ABAT: variants seen among roughly 807,000 people sequenced by gnomAD.
The protein encoded by ABAT is 4-aminobutyrate aminotransferase, mitochondrial.
Under a neutral mutation model 64.6 loss-of-function variants are expected in ABAT, and 45 were observed. That is an observed-to-expected ratio of 0.70 (90% CI 0.55 to 0.89). The LOEUF is 0.89. Among genes scored for constraint, ABAT ranks in the 40% least tolerant of loss-of-function variants. The pLI is 0.00. For missense variants in ABAT, 633 were observed against 658.4 expected (o/e 0.96, Z 0.42); for synonymous variants, 297 against 250.5 (o/e 1.19, Z -1.75).
At chr16:8,761,347 C>T (rs780397440) in intron 6 of ABAT, among the ~76,000 whole-genome samples, 1 of 152,296 alleles carries the variant, frequency 6.6e-6, no homozygotes, top group East Asian at 1.9e-4. Context: ...AACTGTGCCG[C>T]GTGTGGAACC....
At chr16:8,756,653 C>A (rs1165588251) in intron 5 of ABAT, among the ~76,000 whole-genome samples, 1 of 152,236 alleles carries the variant, frequency 6.6e-6, no homozygotes, top group Admixed American at 6.5e-5. Flanking sequence ...TCTCCTTCTT[C>A]ACTTAGCAGA....
intron 1 of ABAT, among the ~76,000 whole-genome samples, chr16:8,696,620 A>C (rs1215589869): frequency 6.6e-6 from 1 of 151,542 alleles, no homozygotes; most frequent in Non-Finnish European, 1.5e-5. Flanking sequence ...ACTCTGTCTC[A>C]AAAAAAAATA....
intron 12 of ABAT, 94 bp downstream of exon 12, chr16:8,773,011 T>C (rs1377602835): frequency 6.4e-7 from 1 of 1,555,776 alleles, no homozygotes; most frequent in East Asian, 2.3e-5. Flanking sequence ...CCTTGGAGCT[T>C]CTGTCAATCT....
intron 6 of ABAT, among the ~76,000 whole-genome samples, chr16:8,759,703 TTG>T (rs1448846461): frequency 1.3e-5 from 2 of 151,984 alleles, no homozygotes; most frequent in Admixed American, 6.6e-5. Flanking sequence ...GTTGGTTTGT[TTG>T]TTGTTTTCTT....
chr16:8,750,643 A>C (rs2059453335), intron 5 of ABAT, 104 bp downstream of exon 5: 1 of 1,007,342 alleles, frequency 9.9e-7, no homozygotes, highest in Non-Finnish European at 1.6e-6. Context: ...CACATCCCAG[A>C]GTGTTGCCTG....
In ABAT at chr16:8,721,883, G is replaced by A. The variant is rs570831569; in HGVS notation, c.-41-13816G>A. On this transcript the variant is annotated intron_variant, in intron 1 of 15. Coordinates refer to ENST00000268251, the MANE Select transcript of ABAT (RefSeq NM_020686.6). ...AAAGAAAAAGGACGAGGAGAGGTGG[G>A]TGGGACTGAAGAGCTCACTATCTGG... Among the ~76,000 whole-genome samples the A allele has an allele frequency of 1.6e-4, 24 of 152,324 alleles. No homozygotes were observed. The East Asian group carries it at 4.6e-3, about 29-fold the overall frequency.
chr16:8,707,353 A>ATTTTTTTTTTTT lies in ABAT; in HGVS notation c.-41-28340_-41-28329dup, dbSNP rs386384172. Among the ~76,000 whole-genome samples, 127 of 123,930 alleles carry ATTTTTTTTTTTT rather than the reference A, an allele frequency of 1.0e-3. 2 individuals are homozygous for ATTTTTTTTTTTT. The highest frequency in any genetic ancestry group is 3.5e-3 in the African/African-American group (106 of 30,174). 81.3% of individuals were successfully genotyped at this position (123,930 alleles called of 152,430 possible). A position where few individuals can be genotyped will look rare whatever the true frequency, so the allele number is the denominator to read the frequency against. On this transcript the variant is annotated intron_variant, in intron 1 of 15. Coordinates refer to ENST00000268251, the MANE Select transcript of ABAT (RefSeq NM_020686.6). ...AGGCACACACTACCATGCCAGGGTAATTTTTTTTTTTTTTTTTAGCGGAGA... is the reference window on the plus strand; with the variant it reads ...AGGCACACACTACCATGCCAGGGTAATTTTTTTTTTTTTTTTTTTTTTTTTTTTTAGCGGAGA...
chr16:8,683,197 A>C (rs1191052854), intron 1 of ABAT: 1 of 152,240 alleles, frequency 6.6e-6, no homozygotes, highest in African/African-American at 2.4e-5. Context: ...AGCAGAGTGG[A>C]GATCACTCTC....
Position 8,775,048 on chromosome 16 carries a change from G to A in ABAT, c.1113G>A (p.Arg371=), listed in dbSNP as rs1000294391. The A allele has an allele frequency of 4.3e-6, 7 of 1,614,060 alleles. No individual in the cohort carries two copies. In the African/African-American group the frequency reaches 9.3e-5, roughly 22 times the overall value. The change falls in exon 13 of 16, where the codon AGG becomes AGA. Residue 371 remains arginine (R), a synonymous_variant. Transcript: ENST00000268251. ...TGGFFHKEEF[R]PNAPYRIFNT... ...GCTTCTTCCACAAGGAGGAGTTCAG[G>A]CCTAATGCTGTGAGTTGGAGCCAAC...
intron 12 of ABAT, among the ~76,000 whole-genome samples, 174 bp from the exon 13 acceptor site, chr16:8,774,716 T>G (rs2060215447): frequency 6.6e-6 from 1 of 152,106 alleles, no homozygotes; most frequent in Non-Finnish European, 1.5e-5. Flanking sequence ...TCAGCTTAAG[T>G]GTTTTGATTA....
intron 3 of ABAT, among the ~76,000 whole-genome samples, chr16:8,747,434 G>T (rs1360983288): frequency 6.6e-6 from 1 of 152,084 alleles, no homozygotes; most frequent in Non-Finnish European, 1.5e-5. Flanking sequence ...AACAAAACGG[G>T]AGACATTTTA....
intron 4 of ABAT, among the ~76,000 whole-genome samples, 164 bp downstream of exon 4, chr16:8,748,301 GT>G (rs2059388772): frequency 6.6e-6 from 1 of 152,062 alleles, no homozygotes; most frequent in African/African-American, 2.4e-5. Flanking sequence ...TGACCCATTA[GT>G]TACTTACATG....
Position 8,781,184 on chromosome 16 carries a change from G to A in ABAT, c.1382-125G>A. 6.9e-7 allele frequency: 1 copy of A among 1,457,438 alleles called. No individual in the cohort carries two copies. Among genetic ancestry groups the A allele is most frequent in the South Asian group, 1.1e-5 (1 of 87,326 alleles). The allele number at this position is 1,457,438 out of a possible 1,614,324, so 90.3% of individuals were successfully genotyped here. A position where few individuals can be genotyped will look rare whatever the true frequency, so the allele number is the denominator to read the frequency against. On this transcript the variant is annotated intron_variant, in intron 15 of 15. Coordinates refer to ENST00000268251, the MANE Select transcript of ABAT (RefSeq NM_020686.6). This position sits in a 1 kb window ranked among gnomAD's most constrained non-coding sequence, Gnocchi z 4.5. ...GAAGGAAGCCCGGGCTTCCATGATG[G>A]AGGATGATGGATGGATGGATGGATG... is the stretch of plus-strand genomic sequence containing the variant.
In ABAT at chr16:8,740,223, G is replaced by A. The variant is rs74008038; in HGVS notation, c.70+4414G>A. Reference sequence around the variant, plus strand: ...CGAGCCACTGTATTGATTATCTGCCGCCACGTAACACATACCTCCAGATTT... The same window carrying A: ...CGAGCCACTGTATTGATTATCTGCCACCACGTAACACATACCTCCAGATTT... On this transcript the variant is annotated intron_variant, in intron 2 of 15. Coordinates refer to ENST00000268251, the MANE Select transcript of ABAT (RefSeq NM_020686.6). Among the ~76,000 whole-genome samples the A allele has an allele frequency of 6.5e-3, 991 of 152,148 alleles. 10 individuals are homozygous for A. Among genetic ancestry groups the A allele is most frequent in the African/African-American group, 0.022 (893 of 41,500 alleles).
chr16:8,728,068 CAG>C (rs112812315), intron 1 of ABAT, among the ~76,000 whole-genome samples: 49 of 150,238 alleles, frequency 3.3e-4, no homozygotes, highest in Non-Finnish European at 5.2e-4. Context: ...GAGACCCTGT[CAG>C]AGAGAGAGAG....
At chr16:8,707,115 A>T (rs1596408263) in intron 1 of ABAT, among the ~76,000 whole-genome samples, 1 of 152,072 alleles carries the variant, frequency 6.6e-6, no homozygotes, top group Non-Finnish European at 1.5e-5. Flanking sequence ...AGGCTAGGGG[A>T]GTGGAGGCTG....
intron 5 of ABAT, among the ~76,000 whole-genome samples, chr16:8,752,340 C>G (rs1567303926): frequency 2.0e-5 from 3 of 152,286 alleles, no homozygotes; most frequent in Middle Eastern, 3.4e-3. Context: ...GGTTCAAATC[C>G]TGGCTCTACT....
intron 1 of ABAT, among the ~76,000 whole-genome samples, chr16:8,682,020 C>G (rs2057344987): frequency 6.6e-6 from 1 of 152,126 alleles, no homozygotes. Flanking sequence ...ACCCACCAGA[C>G]GCTGGCAACA....
intron 1 of ABAT, among the ~76,000 whole-genome samples, chr16:8,694,452 C>T (rs116697269): frequency 0.024 from 3,648 of 152,196 alleles, 147 homozygotes; most frequent in African/African-American, 0.083. Flanking sequence ...TGCAGTGGTG[C>T]AATCAATGGC....
Sources: gnomAD v4.1 joint callset for allele counts (sites outside exome capture counted in the v4.1 genomes callset) on GRCh38, gnomAD v4.1.1 for gene constraint, Gnocchi (gnomAD v3.1) non-coding constraint, MANE v1.5 for transcripts, NCBI Gene and HGNC (gene_info 2026-07-23, HGNC 2026-07-21) for gene names.